CRACD: variants seen among roughly 807,000 people sequenced by gnomAD.
CRACD encodes capping protein-inhibiting regulator of actin dynamics.
A neutral mutation model predicts 106.8 loss-of-function variants in CRACD; 56 were observed. The ratio of observed to expected loss-of-function variants is 0.52; its 90% CI spans 0.42 to 0.66. The LOEUF is 0.66. Ranked by LOEUF, CRACD falls within the 30% of genes least tolerant of loss-of-function variation. CRACD has a pLI of 0.00. For missense variants in CRACD, 1,730 were observed against 1,623.2 expected (o/e 1.07, Z -1.13); for synonymous variants, 754 against 670.8 (o/e 1.12, Z -1.92).
chr4:56,082,242 A>G (rs1017429303), intron 1 of CRACD, among the ~76,000 whole-genome samples: 1 of 152,166 alleles, frequency 6.6e-6, no homozygotes, highest in African/African-American at 2.4e-5. Context: ...TTCCAGACAG[A>G]GGGGTGGACC....
At chr4:56,308,939 T>C (rs1207466612) in intron 5 of CRACD, 1 of 1,285,794 alleles carries the variant, frequency 7.8e-7, no homozygotes, top group South Asian at 1.2e-5. Flanking sequence ...GTCTCAGATA[T>C]GGGTATTACA....
chr4:56,318,315 C>T (rs1464905054), intron 8 of CRACD, among the ~76,000 whole-genome samples: 1 of 152,010 alleles, frequency 6.6e-6, no homozygotes, highest in East Asian at 1.9e-4. Flanking sequence ...TTAAATAGTC[C>T]ACTTGCTTGG....
At position 56,079,319 on chromosome 4, in the gene CRACD, T is replaced by A. The variant is rs188587282; in HGVS notation, c.-336+30020T>A. Among the ~76,000 whole-genome samples the A allele has an allele frequency of 7.1e-4, 107 of 151,368 alleles. 1 individual carries two copies. The highest frequency in any genetic ancestry group is 2.6e-3 in the African/African-American group (107 of 40,652). ...CTGATTTTATTTCTGGAAGGAAGATTTCAAAAAAATTTTAATTGCTTCATG... is the reference window on the plus strand; with the variant it reads ...CTGATTTTATTTCTGGAAGGAAGATATCAAAAAAATTTTAATTGCTTCATG... On this transcript the variant is annotated intron_variant, in intron 1 of 10. Coordinates refer to ENST00000682029, the MANE Select transcript of CRACD (RefSeq NM_001393381.1).
Position 56,328,096 on chromosome 4 carries a change from C to T in CRACD, c.*292C>T. 2.7e-6 allele frequency: 1 copy of T among 369,334 alleles called. No homozygotes were observed. The highest frequency in any genetic ancestry group is 5.1e-6 in the Non-Finnish European group (1 of 196,284). 22.9% of individuals were successfully genotyped at this position (369,334 alleles called of 1,614,324 possible). ...AAGAACTCGTGAGAGCCTGCCATGC[C>T]CATTTCATGGCCTTGCACACACACC... is the stretch of plus-strand genomic sequence containing the variant. On this transcript the variant is annotated 3_prime_UTR_variant, in exon 11 of 11. Coordinates refer to ENST00000682029, the MANE Select transcript of CRACD (RefSeq NM_001393381.1).
chr4:56,243,500 T>C (rs1176351223), intron 2 of CRACD, among the ~76,000 whole-genome samples: 1 of 152,218 alleles, frequency 6.6e-6, no homozygotes, highest in Non-Finnish European at 1.5e-5. Flanking sequence ...ACTTAGTCTA[T>C]AAACAAATAC....
At chr4:56,280,759 C>G (rs184306108) in intron 3 of CRACD, among the ~76,000 whole-genome samples, 207 of 152,280 alleles carry the variant, frequency 1.4e-3, no homozygotes, top group African/African-American at 4.8e-3. Flanking sequence ...CTCAGACCTG[C>G]TGGAAAAGGA....
chr4:56,182,291 G>A (rs1173926606), intron 2 of CRACD, among the ~76,000 whole-genome samples: 1 of 152,110 alleles, frequency 6.6e-6, no homozygotes, highest in African/African-American at 2.4e-5. Flanking sequence ...GATCACTGGA[G>A]CAGGGGAGGT....
chr4:56,095,524 A>G (rs938194625), intron 1 of CRACD, among the ~76,000 whole-genome samples: 13 of 152,186 alleles, frequency 8.5e-5, no homozygotes, highest in African/African-American at 3.1e-4. Context: ...GCACGCGGCT[A>G]TCAGCGGGAA....
chr4:56,299,741 C>G (rs902352252), intron 4 of CRACD, among the ~76,000 whole-genome samples: 1 of 151,618 alleles, frequency 6.6e-6, no homozygotes, highest in Non-Finnish European at 1.5e-5. Context: ...CTCCAGCTAG[C>G]TGCTTGGAGG....
chr4:56,201,246 T>C (rs1183558701), intron 2 of CRACD, among the ~76,000 whole-genome samples: 1 of 152,240 alleles, frequency 6.6e-6, no homozygotes, highest in African/African-American at 2.4e-5. Context: ...AATAACTTAA[T>C]GGCTATGTAT....
chr4:56,305,308 A>G (rs1346640604), intron 4 of CRACD, among the ~76,000 whole-genome samples: 3 of 152,206 alleles, frequency 2.0e-5, no homozygotes, highest in African/African-American at 7.2e-5. Context: ...CCACCAGGAC[A>G]TGTCTCAATC....
chr4:56,132,896 A>G (rs571417737), intron 1 of CRACD, among the ~76,000 whole-genome samples: 23 of 152,362 alleles, frequency 1.5e-4, no homozygotes, highest in South Asian at 6.2e-4. Context: ...AAATAAAAAT[A>G]TATCATATAG....
chr4:56,285,352 A>C (rs1743275639), intron 3 of CRACD, among the ~76,000 whole-genome samples: 2 of 152,188 alleles, frequency 1.3e-5, no homozygotes, highest in South Asian at 4.1e-4. Context: ...AGAAGACCCT[A>C]TGCGGTAATA....
intron 1 of CRACD, among the ~76,000 whole-genome samples, chr4:56,083,899 G>T (rs1014208238): frequency 6.6e-6 from 1 of 152,116 alleles, no homozygotes; most frequent in Non-Finnish European, 1.5e-5. Flanking sequence ...ATCACCTGAG[G>T]CCGGGAGGTC....
At chr4:56,284,578 A>T (rs1349106015) in intron 3 of CRACD, among the ~76,000 whole-genome samples, 3 of 152,088 alleles carry the variant, frequency 2.0e-5, no homozygotes, top group Non-Finnish European at 2.9e-5. Context: ...TACAAAAATT[A>T]GCCAGGCGTG....
intron 2 of CRACD, among the ~76,000 whole-genome samples, chr4:56,242,944 C>T (rs891945756): frequency 6.6e-6 from 1 of 152,098 alleles, no homozygotes; most frequent in Non-Finnish European, 1.5e-5. Flanking sequence ...AGGGATGCAC[C>T]CCTAGAGCGC....
At chr4:56,065,051 G>A (rs1732412252) in intron 1 of CRACD, among the ~76,000 whole-genome samples, 2 of 144,468 alleles carry the variant, frequency 1.4e-5, no homozygotes, top group Non-Finnish European at 1.5e-5. Flanking sequence ...ACTCTCAGAA[G>A]TGCCTCTGGA....
chr4:56,103,826 G>A (rs1172302634), intron 1 of CRACD, among the ~76,000 whole-genome samples: 1 of 152,162 alleles, frequency 6.6e-6, no homozygotes, highest in African/African-American at 2.4e-5. Flanking sequence ...TGTTGCTCAG[G>A]CTGGAGTGCA....
At chr4:56,116,914 G>T (rs1180818051) in intron 1 of CRACD, among the ~76,000 whole-genome samples, 1 of 151,414 alleles carries the variant, frequency 6.6e-6, no homozygotes, top group Non-Finnish European at 1.5e-5. Flanking sequence ...CGCCATGTTG[G>T]CCCGGCTGGT....
Sources: allele counts gnomAD v4.1 joint callset (sites outside exome capture counted in the v4.1 genomes callset), GRCh38; gene constraint gnomAD v4.1.1; transcripts MANE v1.5; gene names NCBI Gene and HGNC (gene_info 2026-07-23, HGNC 2026-07-21).